Variants in DNAJB1 observed in about 807,000 individuals in gnomAD.
DNAJB1 encodes DnaJ heat shock protein family (Hsp40) member B1.
DNAJB1 carries 14 observed loss-of-function variants against 24.0 expected under a neutral mutation model. The ratio of observed to expected loss-of-function variants is 0.58; its 90% CI spans 0.39 to 0.91. The LOEUF (loss-of-function observed/expected upper bound fraction) is 0.91, where lower values mean the gene tolerates loss of function less well. Among genes scored for constraint, DNAJB1 ranks in the 40% least tolerant of loss-of-function variants. The pLI is 0.00. For missense variants in DNAJB1, 517 were observed against 458.1 expected (o/e 1.13, Z -1.17); for synonymous variants, 262 against 174.4 (o/e 1.50, Z -3.96).
rs772524581 is a variant in DNAJB1, at chr19:14,516,571, G to T, written c.687C>A (p.Asn229Lys). 1 of 1,614,218 alleles carries T rather than the reference G, an allele frequency of 6.2e-7. No homozygotes were observed. The highest frequency in any genetic ancestry group is 1.1e-5 in the South Asian group (1 of 91,088). The change falls in exon 2 of 3, where the codon AAC becomes AAA. Residue 229 changes from asparagine to lysine, a missense_variant. Asn to Lys is a moderately conservative substitution (Grantham distance 94, BLOSUM62 0). Coordinates refer to ENST00000254322, the MANE Select transcript of DNAJB1 (RefSeq NM_006145.3). Reference protein sequence around the residue: ...TFPKEGDQTSNNIPADIVFVL... With the variant: ...TFPKEGDQTSKNIPADIVFVL... The stretch of plus-strand genomic sequence containing the variant: ...CAAAGACGATATCAGCTGGAATGTT[G>T]TTGGAGGTCTGGTCTCCTTCCTTGG...
upstream of DNAJB1, among the ~76,000 whole-genome samples, chr19:14,521,047 A>T (rs1041149623): frequency 3.3e-5 from 5 of 152,228 alleles, no homozygotes; most frequent in Admixed American, 1.3e-4. Flanking sequence ...AAAAACTCAG[A>T]GCTTGTGACT....
chr19:14,522,685 C>CACACAGACAG (rs57282052), upstream of DNAJB1, among the ~76,000 whole-genome samples: 65 of 48,962 alleles, frequency 1.3e-3, no homozygotes, highest in African/African-American at 3.1e-3. Context: ...CACACACAGA[C>CACACAGACAG]ACACACACAC....
intron 1 of DNAJB1, among the ~76,000 whole-genome samples, chr19:14,543,660 G>T (rs920969172): frequency 3.3e-5 from 5 of 149,920 alleles, no homozygotes; most frequent in African/African-American, 7.4e-5. Context: ...GGATGGTCTC[G>T]ATCTCCTGAC....
chr19:14,555,912 C>T (rs1038996997), intron 1 of DNAJB1, among the ~76,000 whole-genome samples: 25 of 152,296 alleles, frequency 1.6e-4, no homozygotes, highest in South Asian at 4.1e-4. Flanking sequence ...ATAGCTCCCT[C>T]TTTGCTCCCA....
At chr19:14,539,693 C>T (rs1247260179) in intron 1 of DNAJB1, among the ~76,000 whole-genome samples, 3 of 152,124 alleles carry the variant, frequency 2.0e-5, no homozygotes, top group East Asian at 1.9e-4. Flanking sequence ...GCTATTCCCT[C>T]GGCCCTGGAT....
intron 2 of DNAJB1, among the ~76,000 whole-genome samples, chr19:14,523,833 A>G (rs1410657136): frequency 6.6e-6 from 1 of 152,034 alleles, no homozygotes. Context: ...CATGTTGCTC[A>G]GGTTGGTCTC....
upstream of DNAJB1, among the ~76,000 whole-genome samples, chr19:14,555,242 A>G (rs76353899): frequency 2.8e-3 from 420 of 151,134 alleles, 4 homozygotes; most frequent in African/African-American, 9.8e-3. Context: ...CACCACACCC[A>G]GCTAATTTTT....
At position 14,516,828 on chromosome 19, in the gene DNAJB1, CG is replaced by C; in HGVS notation, c.429del (p.Asn143LysfsTer2). 6.2e-7 allele frequency: 1 copy of C among 1,613,808 alleles called. No homozygotes were observed. The highest frequency in any genetic ancestry group is 1.1e-5 in the South Asian group (1 of 91,078). On this transcript the variant is annotated frameshift_variant, in exon 2 of 3. Coordinates refer to ENST00000254322, the MANE Select transcript of DNAJB1 (RefSeq NM_006145.3). LOFTEE classifies it high-confidence loss of function. Reference sequence around the variant, plus strand: ...GCAGAGCGGGAGCGGCCAAAGTTCACGTTGGTGAAGCCACCCATGCCCATAG... The same window carrying C: ...GCAGAGCGGGAGCGGCCAAAGTTCACTTGGTGAAGCCACCCATGCCCATAG... ...GFPMGMGGFT[N>X]VNFGRSRSAQ...
Position 14,518,060 on chromosome 19 carries a change from G to T in DNAJB1, c.211+79C>A. On this transcript the variant is annotated intron_variant, in intron 1 of 2. Coordinates refer to ENST00000254322, the MANE Select transcript of DNAJB1 (RefSeq NM_006145.3). The stretch of plus-strand genomic sequence containing the variant: ...CGGCCCGGGGCGTCCTTCCCGGGGG[G>T]CCGCCGAGAGGGGCCAGCGTGCCTC... 2.2e-6 allele frequency: 3 copies of T among 1,335,320 alleles called. No homozygotes were observed. In the South Asian group the frequency reaches 5.2e-5, roughly 23 times the overall value. 82.7% of individuals were successfully genotyped at this position (1,335,320 alleles called of 1,614,324 possible).
At chr19:14,517,803 C>A (rs1157592646) in intron 1 of DNAJB1, 1 of 236,222 alleles carries the variant, frequency 4.2e-6, no homozygotes, top group Non-Finnish European at 8.2e-6. Context: ...AGCCCGGGTC[C>A]GCAGCGGGCT....
upstream of DNAJB1, among the ~76,000 whole-genome samples, chr19:14,551,528 C>T (rs1035143201): frequency 6.6e-6 from 1 of 152,176 alleles, no homozygotes; most frequent in Non-Finnish European, 1.5e-5. Flanking sequence ...CTGACACCGC[C>T]CCCTGTGGCA....
At chr19:14,538,813 G>A (rs1599425362) in intron 1 of DNAJB1, among the ~76,000 whole-genome samples, 1 of 152,054 alleles carries the variant, frequency 6.6e-6, no homozygotes, top group East Asian at 1.9e-4. Context: ...TTATAGGCAT[G>A]AGCCACCACG....
At chr19:14,551,899 C>T (rs547984717), upstream of DNAJB1, among the ~76,000 whole-genome samples, 63 of 148,042 alleles carry the variant, frequency 4.3e-4, no homozygotes, top group African/African-American at 1.5e-3. Flanking sequence ...TTTCCTTTCT[C>T]TCTCTCTCTC....
intron 1 of DNAJB1, among the ~76,000 whole-genome samples, chr19:14,544,316 C>T (rs1402274949): frequency 6.6e-6 from 1 of 152,102 alleles, no homozygotes; most frequent in Non-Finnish European, 1.5e-5. Flanking sequence ...TCCCCTGTAA[C>T]CCCTGGCCCT....
chr19:14,550,803 C>T (rs1053277313), upstream of DNAJB1, among the ~76,000 whole-genome samples: 5 of 151,888 alleles, frequency 3.3e-5, no homozygotes, highest in African/African-American at 1.2e-4. Flanking sequence ...GTCTCAGCCT[C>T]CCCCGTAGCT....
chr19:14,518,459 CCCCTCCAGAACCTTCCGCCCCGCCCG>C, upstream of DNAJB1: 1 of 941,516 alleles, frequency 1.1e-6, no homozygotes, highest in Non-Finnish European at 1.4e-6. Context: ...GCCCGCCAGC[CCCCTCCAGAACCTTCCGCCCCGCCCG>C]CCCCCGCGGC....
chr19:14,560,304 G>A (rs1276440780), upstream of DNAJB1, among the ~76,000 whole-genome samples: 1 of 152,210 alleles, frequency 6.6e-6, no homozygotes, highest in Non-Finnish European at 1.5e-5. Context: ...CTGTTGAGTG[G>A]TTCAGCAGGA....
At chr19:14,540,357 T>G (rs984240730) in intron 1 of DNAJB1, among the ~76,000 whole-genome samples, 3 of 150,758 alleles carry the variant, frequency 2.0e-5, no homozygotes, top group African/African-American at 7.3e-5. Context: ...CGTGAGCCAC[T>G]GTGCCTGGCT....
chr19:14,529,490 G>T (rs1281932591), upstream of DNAJB1: 4 of 703,452 alleles, frequency 5.7e-6, no homozygotes, highest in Non-Finnish European at 7.8e-6. Context: ...CCTAGTCTTG[G>T]TTCGGACCGG....
Sources: gnomAD v4.1 joint callset for allele counts (sites outside exome capture counted in the v4.1 genomes callset) on GRCh38, gnomAD v4.1.1 for gene constraint, MANE v1.5 for transcripts, NCBI Gene and HGNC (gene_info 2026-07-23, HGNC 2026-07-21) for gene names.